The following NPAS2 variants were observed in gnomAD, a reference collection of about 807,000 sequenced individuals.
NPAS2 encodes the protein neuronal PAS domain-containing protein 2.
In NPAS2, 23 loss-of-function variants were observed where a neutral mutation model predicts 107.5. That is an observed-to-expected ratio of 0.21 (90% confidence interval 0.15 to 0.30). The LOEUF is 0.30. Ranked by LOEUF, NPAS2 falls within the 10% of genes least tolerant of loss-of-function variation. NPAS2 has a pLI of 1.00. For synonymous variants in NPAS2, 403 were observed against 417.5 expected (o/e 0.97, Z 0.42); for missense variants, 756 against 1,043.3 (o/e 0.72, Z 3.79).
upstream of NPAS2, among the ~76,000 whole-genome samples, chr2:100,819,305 A>C (rs1375317081): frequency 1.3e-5 from 2 of 152,068 alleles, no homozygotes; most frequent in Non-Finnish European, 2.9e-5. This position sits in a 1 kb window ranked among gnomAD's most constrained non-coding sequence, Gnocchi z 5.8. Flanking sequence ...CCCACACCCC[A>C]CGTGCCCCTG....
At chr2:100,829,502 T>G (rs1054806410) in intron 1 of NPAS2, among the ~76,000 whole-genome samples, 1 of 152,166 alleles carries the variant, frequency 6.6e-6, no homozygotes, top group Non-Finnish European at 1.5e-5. Flanking sequence ...TGCACATTGA[T>G]TTTGTATCCT....
At chr2:100,879,802 A>C (rs1395894749) in intron 1 of NPAS2, among the ~76,000 whole-genome samples, 2 of 152,212 alleles carry the variant, frequency 1.3e-5, no homozygotes, top group African/African-American at 2.4e-5. Context: ...AACCATCAAC[A>C]AGGGACAAGA....
intron 7 of NPAS2, among the ~76,000 whole-genome samples, chr2:100,955,321 C>T (rs911868305): frequency 3.3e-5 from 5 of 152,146 alleles, no homozygotes; most frequent in African/African-American, 9.7e-5. Flanking sequence ...ATGGGAAGGA[C>T]AGCGACCCTT....
upstream of NPAS2, chr2:100,820,080 G>A (rs533425188): frequency 2.6e-5 from 4 of 151,454 alleles, no homozygotes; most frequent in Non-Finnish European, 4.4e-5. This position sits in a 1 kb window ranked among gnomAD's most constrained non-coding sequence, Gnocchi z 5.6. Context: ...GAGGGAGGAG[G>A]GTGGAGGGAG....
chr2:100,951,823 G>C (rs1487735768), intron 7 of NPAS2, among the ~76,000 whole-genome samples: 2 of 151,962 alleles, frequency 1.3e-5, no homozygotes, highest in Non-Finnish European at 2.9e-5. Context: ...GGTTACGATG[G>C]CAAACTTTGT....
intron 7 of NPAS2, 42 bp downstream of exon 7, chr2:100,949,522 C>G (rs748893046): frequency 8.5e-7 from 1 of 1,176,762 alleles, no homozygotes; most frequent in Non-Finnish European, 1.3e-6. Context: ...TGTCTTTTCT[C>G]ATGCAAACGT....
chr2:100,928,401 A>G (rs931019517), intron 3 of NPAS2, among the ~76,000 whole-genome samples: 5 of 152,064 alleles, frequency 3.3e-5, no homozygotes, highest in Admixed American at 6.6e-5. Flanking sequence ...GAGAAGCAGG[A>G]CAGCTGTTAA....
intron 1 of NPAS2, chr2:100,901,664 G>A (rs747900310): frequency 7.8e-5 from 35 of 448,766 alleles, no homozygotes; most frequent in East Asian, 3.1e-4. Flanking sequence ...ACTGAAGGCC[G>A]CCTCCTATGG....
chr2:100,901,139 C>T (rs1681742763), intron 1 of NPAS2, among the ~76,000 whole-genome samples: 2 of 152,136 alleles, frequency 1.3e-5, no homozygotes, highest in Admixed American at 6.6e-5. Context: ...TATCTGGGGG[C>T]TCTTTGTAAA....
chr2:100,905,077 T>C (rs1044833978), intron 2 of NPAS2, among the ~76,000 whole-genome samples: 1 of 152,214 alleles, frequency 6.6e-6, no homozygotes, highest in Non-Finnish European at 1.5e-5. Context: ...TCAGGGCTTC[T>C]GGTTACTGCT....
chr2:100,833,750 T>C (rs756272062), intron 1 of NPAS2, among the ~76,000 whole-genome samples: 4 of 152,236 alleles, frequency 2.6e-5, no homozygotes, highest in Non-Finnish European at 5.9e-5. Context: ...TGTGGGGCTG[T>C]TTTGCCATGA....
chr2:100,912,240 ATTTATTTATTTATTTATT>A (rs1558865631), intron 2 of NPAS2, among the ~76,000 whole-genome samples: 4 of 108,436 alleles, frequency 3.7e-5, no homozygotes, highest in East Asian at 5.1e-4. Context: ...TTATTTATTT[ATTTATTTATTTATTTATT>A]ATTATTATTT....
upstream of NPAS2, among the ~76,000 whole-genome samples, chr2:100,818,739 G>C (rs1234526163): frequency 6.6e-6 from 1 of 152,238 alleles, no homozygotes; most frequent in African/African-American, 2.4e-5. Context: ...CGGAATGTAA[G>C]AGGGACGGAG....
intron 1 of NPAS2, among the ~76,000 whole-genome samples, chr2:100,882,434 C>T (rs773886004): frequency 2.0e-5 from 3 of 152,262 alleles, no homozygotes; most frequent in African/African-American, 7.2e-5. Context: ...ACAGTGAAAC[C>T]CCATCTCTAC....
intron 20 of NPAS2, chr2:100,994,362 T>C (rs1423858413): frequency 2.0e-5 from 3 of 152,286 alleles, no homozygotes; most frequent in African/African-American, 4.8e-5. Flanking sequence ...ATCTGTGCTA[T>C]AATTTTCAGA....
intron 18 of NPAS2, 111 bp from the exon 19 acceptor site, chr2:100,990,669 G>A (rs935898839): frequency 1.8e-6 from 2 of 1,110,642 alleles, no homozygotes; most frequent in African/African-American, 1.5e-5. Flanking sequence ...GGAGAGTGGG[G>A]ATTAGAGTCA....
intron 1 of NPAS2, among the ~76,000 whole-genome samples, chr2:100,861,441 C>T (rs1013889298): frequency 3.3e-5 from 5 of 151,736 alleles, no homozygotes; most frequent in African/African-American, 4.8e-5. Context: ...GGTGGGATGT[C>T]GGGGAGAACA....
intron 19 of NPAS2, among the ~76,000 whole-genome samples, chr2:100,991,274 G>A (rs948175591): frequency 2.0e-5 from 3 of 152,094 alleles, no homozygotes; most frequent in Non-Finnish European, 2.9e-5. Context: ...GCTCGGGCCC[G>A]TCTCTCCCAG....
At chr2:100,863,700 C>A (rs1376569662) in intron 1 of NPAS2, among the ~76,000 whole-genome samples, 1 of 152,146 alleles carries the variant, frequency 6.6e-6, no homozygotes, top group Non-Finnish European at 1.5e-5. Context: ...ACCATTTTCA[C>A]GCAATGGTGA....
Sources: allele counts gnomAD v4.1 joint callset (sites outside exome capture counted in the v4.1 genomes callset), GRCh38; gene constraint gnomAD v4.1.1; non-coding constraint Gnocchi (gnomAD v3.1); transcripts MANE v1.5; gene names NCBI Gene and HGNC (gene_info 2026-07-23, HGNC 2026-07-21).